The following FOXN4 variants were observed in gnomAD, a reference collection of about 807,000 sequenced individuals.
FOXN4 encodes the protein forkhead box N4.
Under a neutral mutation model 45.0 loss-of-function variants are expected in FOXN4, and 12 were observed. That is an observed-to-expected ratio of 0.27 (90% CI 0.17 to 0.43). The LOEUF is 0.43. Among genes scored for constraint, FOXN4 ranks in the 20% least tolerant of loss-of-function variants. FOXN4 has a pLI of 1.00. For missense variants in FOXN4, 560 were observed against 694.9 expected (o/e 0.81, Z 2.18); for synonymous variants, 297 against 295.0 (o/e 1.01, Z -0.07).
chr12:109,278,463 G>A lies in FOXN4; in HGVS notation c.*1208C>T, dbSNP rs2047624672. On this transcript the variant is annotated 3_prime_UTR_variant, in exon 10 of 10. Transcript: ENST00000299162. ...GCTATCTGCGGAACTTGCCACTTGG[G>A]GAGTCAGTAATTAGCAAGGAGAGAA... The A allele has an allele frequency of 6.6e-6, 1 of 152,174 alleles. No individual in the cohort carries two copies. Among genetic ancestry groups the A allele is most frequent in the Admixed American group, 6.5e-5 (1 of 15,278 alleles). The allele number at this position is 152,174 out of a possible 1,614,324, so 9.4% of individuals were successfully genotyped here.
intron 2 of FOXN4, among the ~76,000 whole-genome samples, chr12:109,306,167 G>A (rs2047920382): frequency 6.6e-6 from 1 of 152,052 alleles, no homozygotes; most frequent in Non-Finnish European, 1.5e-5. Context: ...CGCGTCTCTT[G>A]CGGGAAGCTG....
At chr12:109,279,963 C>T in intron 9 of FOXN4, 33 bp from the exon 10 acceptor site, 1 of 1,610,206 alleles carries the variant, frequency 6.2e-7, no homozygotes. Context: ...GGTGAGCTGG[C>T]TTCCCATCAA....
intron 2 of FOXN4, among the ~76,000 whole-genome samples, chr12:109,302,881 C>T (rs557629424): frequency 2.0e-5 from 3 of 152,276 alleles, no homozygotes; most frequent in Admixed American, 2.0e-4. Flanking sequence ...TGTTCTTGTT[C>T]CCAATCCAAC....
chr12:109,281,292 G>T (rs1245533209), intron 9 of FOXN4, 115 bp downstream of exon 9: 1 of 1,374,868 alleles, frequency 7.3e-7, no homozygotes, highest in African/African-American at 1.5e-5. Context: ...TTGTTGCTAT[G>T]GGAACAAGAC....
rs370533190 is a variant in FOXN4 at position 109,279,634 on chromosome 12, C to T, written c.*37G>A. On this transcript the variant is annotated 3_prime_UTR_variant, in exon 10 of 10. Coordinates refer to ENST00000299162, the MANE Select transcript of FOXN4 (RefSeq NM_213596.3). ...GTTCTAGTCAGTTCTCTGCCCAAGCCGGGTGCCGGGGTTCCAGGGCAGGTG... is the reference window on the plus strand; with the variant it reads ...GTTCTAGTCAGTTCTCTGCCCAAGCTGGGTGCCGGGGTTCCAGGGCAGGTG... 9 of 1,558,448 alleles carry T rather than the reference C, an allele frequency of 5.8e-6. No individual in the cohort carries two copies. The highest frequency in any genetic ancestry group is 2.4e-5 in the East Asian group (1 of 41,496).
chr12:109,278,438 G>A lies in FOXN4; in HGVS notation c.*1233C>T, dbSNP rs1193662143. ...ACTCCCCTGTCTCTCTTCTAACCCA[G>A]CTATCTGCGGAACTTGCCACTTGGG... On this transcript the variant is annotated 3_prime_UTR_variant, in exon 10 of 10. Coordinates refer to ENST00000299162, the MANE Select transcript of FOXN4 (RefSeq NM_213596.3). 1 of 152,228 alleles carries A rather than the reference G, an allele frequency of 6.6e-6. No homozygotes were observed. The highest frequency in any genetic ancestry group is 1.5e-5 in the Non-Finnish European group (1 of 68,048). The allele number at this position is 152,228 out of a possible 1,614,324, so 9.4% of individuals were successfully genotyped here. A position where few individuals can be genotyped will look rare whatever the true frequency, so the allele number is the denominator to read the frequency against.
At position 109,279,929 on chromosome 12, in the gene FOXN4, C is replaced by T; in HGVS notation, c.1296G>A (p.Gly432=). 2 of 1,613,852 alleles carry T rather than the reference C, an allele frequency of 1.2e-6. No homozygotes were observed. Among genetic ancestry groups the T allele is most frequent in the Non-Finnish European group, 1.7e-6 (2 of 1,179,800 alleles). ...DPSIMDFALQ[G]NLWEEMKDEG... ...CATCCTTCATCTCCTCCCACAGGTT[C>T]CCTTTCAAAGACAAAAGCATTAGGG... is the stretch of plus-strand genomic sequence containing the variant. Residue 432 remains glycine (G), a splice_region_variant and synonymous_variant, in exon 10 of 10, where the codon GGG becomes GGA. Transcript: ENST00000299162.
At chr12:109,294,378 G>C (rs1344915776) in intron 2 of FOXN4, among the ~76,000 whole-genome samples, 1 of 152,034 alleles carries the variant, frequency 6.6e-6, no homozygotes, top group Non-Finnish European at 1.5e-5. Flanking sequence ...AGGATCAGGT[G>C]AGCCACTGTG....
intron 2 of FOXN4, among the ~76,000 whole-genome samples, chr12:109,294,392 C>G (rs1716786941): frequency 2.0e-5 from 3 of 152,056 alleles, no homozygotes; most frequent in Admixed American, 2.0e-4. Flanking sequence ...CACTGTGTGA[C>G]TGACTTTTGG....
rs62640914 is a variant in FOXN4 at position 109,281,623 on chromosome 12, G to T, written c.1078C>A (p.Pro360Thr). The change falls in exon 9 of 10, where the codon CCC (proline) becomes ACC (threonine). Residue 360 changes from proline (P) to threonine (T), a missense_variant. By Grantham distance (38) the Pro-to-Thr change is conservative. This residue lies in a region of FOXN4 where 315 missense variants were observed against 350.5 expected (regional missense o/e 0.90). Transcript: ENST00000299162. ...TGGGGCTGGACCTGGTGGTGCAGGGGGACTGACTGCAGGGACAGGGTCATC... is the reference window on the plus strand; with the variant it reads ...TGGGGCTGGACCTGGTGGTGCAGGGTGACTGACTGCAGGGACAGGGTCATC... ...PLMTLSLQSVPLHHQVQPQAH... is the reference protein window; with the variant it reads ...PLMTLSLQSVTLHHQVQPQAH... 6.2e-4 allele frequency: 1,001 copies of T among 1,610,382 alleles called. 4 individuals are homozygous for T. Among genetic ancestry groups the T allele is most frequent in the Non-Finnish European group, 7.9e-4 (934 of 1,178,406 alleles).
rs548166856 is a variant in FOXN4 at position 109,306,139 on chromosome 12, G to A, written c.86+2097C>T. On this transcript the variant is annotated intron_variant, in intron 2 of 9. Transcript: ENST00000299162. ...TCCAAGTTCCTCCCCACTTCCCACC[G>A]TGAGAGCCCTCCATAGACGCGTCTC... Among the ~76,000 whole-genome samples, 4 of 152,192 alleles carry A rather than the reference G, an allele frequency of 2.6e-5. No homozygotes were observed. The South Asian group carries it at 6.2e-4, about 24-fold the overall frequency.
intron 8 of FOXN4, among the ~76,000 whole-genome samples, chr12:109,283,843 A>G (rs1005964020): frequency 3.3e-5 from 5 of 152,234 alleles, no homozygotes; most frequent in African/African-American, 9.6e-5. Context: ...ATGGTATGCC[A>G]TTCTATTTAT....
chr12:109,289,954 G>A (rs1471882063), intron 3 of FOXN4, among the ~76,000 whole-genome samples, 187 bp downstream of exon 3: 1 of 152,224 alleles, frequency 6.6e-6, no homozygotes, highest in Non-Finnish European at 1.5e-5. Flanking sequence ...CTGGCGCACA[G>A]TTAAGCAAAT....
chr12:109,305,120 G>GT (rs1355993381), intron 2 of FOXN4, among the ~76,000 whole-genome samples: 1 of 152,178 alleles, frequency 6.6e-6, no homozygotes, highest in Admixed American at 6.5e-5. Flanking sequence ...GTCACAAATG[G>GT]TGGTTACAAA....
At chr12:109,282,892 A>G (rs903564505) in intron 8 of FOXN4, among the ~76,000 whole-genome samples, 1 of 151,320 alleles carries the variant, frequency 6.6e-6, no homozygotes, top group African/African-American at 2.4e-5. Context: ...TTCACTCCGA[A>G]TATGTGTCAG....
chr12:109,285,427 C>T lies in FOXN4; in HGVS notation c.778G>A (p.Gly260Ser), dbSNP rs377289723. ...CFEKVENKMS[G>S]SSRKGCLWAL... ...CACAGGCAGCCCTTGCGGGAGGAGC[C>T]GCTCATCTTGTTCTCCACCTTCTCG... The change falls in exon 8 of 10, where the codon GGC becomes AGC. Residue 260 changes from glycine (G) to serine (S), a missense_variant. Transcript: ENST00000299162. The T allele has an allele frequency of 1.1e-5, 18 of 1,614,044 alleles. No individual in the cohort carries two copies. The South Asian group carries it at 1.2e-4, about 11-fold the overall frequency.
intron 8 of FOXN4, 158 bp downstream of exon 8, chr12:109,285,144 TTG>T (rs1439173017): frequency 3.3e-6 from 1 of 305,948 alleles, no homozygotes; most frequent in Non-Finnish European, 4.6e-6. Flanking sequence ...GTGCGTGTAT[TTG>T]TGTGTGTGCG....
intron 9 of FOXN4, among the ~76,000 whole-genome samples, chr12:109,281,041 T>C (rs1022432315): frequency 1.2e-4 from 18 of 152,146 alleles, no homozygotes; most frequent in Admixed American, 9.8e-4. Flanking sequence ...AGAACAGGGA[T>C]GTGGAATGGT....
At chr12:109,307,530 T>C (rs889441245) in intron 2 of FOXN4, among the ~76,000 whole-genome samples, 5 of 151,888 alleles carry the variant, frequency 3.3e-5, no homozygotes, top group African/African-American at 1.2e-4. Context: ...GTAAAAAAAA[T>C]AGGGGGTGCG....
Sources: gnomAD v4.1 joint callset for allele counts (sites outside exome capture counted in the v4.1 genomes callset) on GRCh38, gnomAD v4.1.1 for gene constraint, gnomAD v4.1.1 regional missense constraint, MANE v1.5 for transcripts, NCBI Gene and HGNC (gene_info 2026-07-23, HGNC 2026-07-21) for gene names.